The following VPS13B variants were observed in gnomAD, a reference collection of about 807,000 sequenced individuals.
VPS13B encodes vacuolar protein sorting 13 homolog B, also known as intermembrane lipid transfer protein VPS13B.
A neutral mutation model predicts 426.4 loss-of-function variants in VPS13B; 285 were observed. That is an observed-to-expected ratio of 0.67 (90% CI 0.61 to 0.74). The LOEUF (loss-of-function observed/expected upper bound fraction) is 0.74, where lower values mean the gene tolerates loss of function less well. VPS13B is among the 30% of genes least tolerant of loss of function. The pLI is 0.00. For synonymous variants in VPS13B, 1,676 were observed against 1,676.4 expected, an observed-to-expected ratio of 1.00 and a Z score of 0.01; for missense variants, 4,537 against 4,782.6, an observed-to-expected ratio of 0.95 and a Z score of 1.51.
chr8:99,854,280 G>T (rs1368628484), intron 56 of VPS13B, 24 bp downstream of exon 56: 8 of 1,609,540 alleles, frequency 5.0e-6, no homozygotes, highest in Non-Finnish European at 6.8e-6. Context: ...CTGAGGGTCT[G>T]TGATGAGCTA....
intron 33 of VPS13B, among the ~76,000 whole-genome samples, chr8:99,591,794 T>C (rs995107500): frequency 1.7e-4 from 26 of 152,130 alleles, no homozygotes; most frequent in African/African-American, 6.0e-4. Context: ...ATTTTTTCCT[T>C]CATTTCAACC....
intron 19 of VPS13B, among the ~76,000 whole-genome samples, chr8:99,293,010 T>G (rs570411404): frequency 6.6e-6 from 1 of 152,256 alleles, no homozygotes; most frequent in South Asian, 2.1e-4. Context: ...AGTTTGTTAC[T>G]AGAGAAGTTT....
At chr8:99,634,505 T>C (rs1417995268) in intron 33 of VPS13B, among the ~76,000 whole-genome samples, 1 of 152,042 alleles carries the variant, frequency 6.6e-6, no homozygotes, top group Non-Finnish European at 1.5e-5. Context: ...TTTATCTTTC[T>C]GTCTGTTAAG....
At chr8:99,458,431 C>G (rs1472992834) in intron 23 of VPS13B, among the ~76,000 whole-genome samples, 1 of 152,098 alleles carries the variant, frequency 6.6e-6, no homozygotes, top group Non-Finnish European at 1.5e-5. Flanking sequence ...TGGGTATATA[C>G]CCAGTAATGG....
chr8:99,065,536 A>G (rs1315361709), intron 3 of VPS13B, among the ~76,000 whole-genome samples: 4 of 152,188 alleles, frequency 2.6e-5, no homozygotes, highest in Non-Finnish European at 5.9e-5. Flanking sequence ...TGACAAACCC[A>G]CAGCCAATAT....
At chr8:99,409,826 G>A (rs1815531660) in intron 21 of VPS13B, among the ~76,000 whole-genome samples, 1 of 152,106 alleles carries the variant, frequency 6.6e-6, no homozygotes, top group South Asian at 2.1e-4. Context: ...TTGAGTATTA[G>A]CAAAACAACT....
intron 30 of VPS13B, among the ~76,000 whole-genome samples, chr8:99,548,501 G>A (rs1469195130): frequency 2.6e-5 from 4 of 151,820 alleles, no homozygotes; most frequent in Non-Finnish European, 5.9e-5. Flanking sequence ...GAAAGTTAAT[G>A]TACCCCATAA....
intron 17 of VPS13B, among the ~76,000 whole-genome samples, chr8:99,254,013 T>G (rs1817632717): frequency 6.6e-6 from 1 of 152,198 alleles, no homozygotes; most frequent in East Asian, 1.9e-4. Context: ...GCTCTTATGT[T>G]CCTTTACCCT....
intron 13 of VPS13B, among the ~76,000 whole-genome samples, chr8:99,145,835 T>C (rs1241841207): frequency 6.6e-6 from 1 of 152,254 alleles, no homozygotes; most frequent in Non-Finnish European, 1.5e-5. Context: ...CTGGGTCATA[T>C]GGTAGTTGCA....
chr8:99,189,498 T>C (rs1263373818), intron 16 of VPS13B, among the ~76,000 whole-genome samples: 1 of 151,664 alleles, frequency 6.6e-6, no homozygotes, highest in Admixed American at 6.6e-5. Flanking sequence ...TTGTGACACA[T>C]TGTGCACGTT....
chr8:99,473,701 TAAG>T (rs1819534366), intron 24 of VPS13B, among the ~76,000 whole-genome samples: 1 of 152,050 alleles, frequency 6.6e-6, no homozygotes, highest in Non-Finnish European at 1.5e-5. Context: ...GATATAAAGA[TAAG>T]AAATGAAGAA....
chr8:99,492,465 C>A (rs1323590217), intron 25 of VPS13B, among the ~76,000 whole-genome samples: 1 of 152,212 alleles, frequency 6.6e-6, no homozygotes, highest in Admixed American at 6.5e-5. Flanking sequence ...GTATGCCCTG[C>A]CCACAGAGGT....
chr8:99,117,054 A>AG (rs386413461), intron 7 of VPS13B, among the ~76,000 whole-genome samples: 1 of 5,738 alleles, frequency 1.7e-4, no homozygotes, highest in African/African-American at 1.3e-3. Context: ...AGATGAAAGG[A>AG]TGACTGATTT....
chr8:99,691,307 A>G (rs1459234611), intron 35 of VPS13B, among the ~76,000 whole-genome samples: 5 of 151,858 alleles, frequency 3.3e-5, no homozygotes, highest in Non-Finnish European at 2.9e-5. Flanking sequence ...GACAGTGGTG[A>G]TGGTTGCACA....
intron 49 of VPS13B, among the ~76,000 whole-genome samples, chr8:99,820,710 G>A (rs1345544409): frequency 6.6e-6 from 1 of 152,090 alleles, no homozygotes; most frequent in Admixed American, 6.6e-5. Flanking sequence ...TATAAGGCTA[G>A]TCTATTTCAA....
chr8:99,609,536 G>C (rs1827752069), intron 33 of VPS13B, among the ~76,000 whole-genome samples: 1 of 152,124 alleles, frequency 6.6e-6, no homozygotes, highest in Non-Finnish European at 1.5e-5. Context: ...CTGTAGTTTT[G>C]TCAGTTCCTC....
intron 17 of VPS13B, among the ~76,000 whole-genome samples, chr8:99,195,616 G>T (rs1035377865): frequency 6.6e-6 from 1 of 152,074 alleles, no homozygotes; most frequent in South Asian, 2.1e-4. Flanking sequence ...TTCATTTCCT[G>T]TGCTTTTAGG....
chr8:99,106,135 C>T (rs1013292105), intron 5 of VPS13B, among the ~76,000 whole-genome samples: 1 of 151,404 alleles, frequency 6.6e-6, no homozygotes, highest in Non-Finnish European at 1.5e-5. Flanking sequence ...GAGCATTAAG[C>T]AAAAACACAT....
At chr8:99,253,926 T>C (rs943214238) in intron 17 of VPS13B, among the ~76,000 whole-genome samples, 73 of 152,226 alleles carry the variant, frequency 4.8e-4, no homozygotes, top group Non-Finnish European at 5.6e-4. Context: ...TTAGGTATTA[T>C]ATTTCACATT....
Sources: allele counts gnomAD v4.1 joint callset (sites outside exome capture counted in the v4.1 genomes callset), GRCh38; gene constraint gnomAD v4.1.1; transcripts MANE v1.5; gene names NCBI Gene and HGNC (gene_info 2026-07-23, HGNC 2026-07-21).